Variants in GLI3 observed in about 807,000 individuals in gnomAD.
GLI3 encodes the protein transcription activator GLI3.
Under a neutral mutation model 100.8 loss-of-function variants are expected in GLI3, and 20 were observed. That is an observed-to-expected ratio of 0.20 (90% CI 0.14 to 0.29). The LOEUF (loss-of-function observed/expected upper bound fraction) is 0.29, where lower values mean the gene tolerates loss of function less well. Among genes scored for constraint, GLI3 ranks in the 10% least tolerant of loss-of-function variants. The pLI is 1.00. For missense variants in GLI3, 2,040 were observed against 2,128.5 expected (o/e 0.96, Z 0.82); for synonymous variants, 938 against 860.5 (o/e 1.09, Z -1.58).
In GLI3 at chr7:41,978,356, G is replaced by A. The variant is rs116201028; in HGVS notation, c.1647+243C>T. 9.7e-3 allele frequency among the ~76,000 whole-genome samples: 1,474 copies of A among 152,280 alleles called. 26 individuals are homozygous for A. Among genetic ancestry groups the A allele is most frequent in the African/African-American group, 0.034 (1,401 of 41,560 alleles). ...GTGGTACCATAAGCTGTTGGGCTGC[G>A]GCCAGCAGGGTGGCCCGCTATTCAT... is the stretch of plus-strand genomic sequence containing the variant. On this transcript the variant is annotated intron_variant, in intron 11 of 14. Coordinates refer to ENST00000395925, the MANE Select transcript of GLI3 (RefSeq NM_000168.6).
intron 2 of GLI3, among the ~76,000 whole-genome samples, chr7:42,191,587 C>A (rs10241136): frequency 0.19 from 29,293 of 151,482 alleles, 2,832 homozygotes; most frequent in Middle Eastern, 0.29. Context: ...GGGAGGCAGA[C>A]GTTGCGGTGC....
intron 11 of GLI3, among the ~76,000 whole-genome samples, chr7:41,978,177 C>T (rs553658708): frequency 1.4e-3 from 215 of 152,310 alleles, no homozygotes; most frequent in African/African-American, 4.7e-3. Context: ...CACAACCTTG[C>T]GGCACCCCCT....
intron 3 of GLI3, among the ~76,000 whole-genome samples, chr7:42,100,182 G>A (rs972947453): frequency 3.9e-5 from 6 of 152,180 alleles, no homozygotes; most frequent in Non-Finnish European, 7.3e-5. Context: ...GGAGCTGCCC[G>A]GTGCAGCCAA....
intron 3 of GLI3, among the ~76,000 whole-genome samples, chr7:42,099,546 T>C (rs1554326934): frequency 6.6e-6 from 1 of 152,200 alleles, no homozygotes; most frequent in Non-Finnish European, 1.5e-5. Flanking sequence ...TATGTTAGTT[T>C]AGTTAGTTAT....
intron 2 of GLI3, among the ~76,000 whole-genome samples, chr7:42,211,846 C>T (rs1788279540): frequency 6.6e-6 from 1 of 152,174 alleles, no homozygotes; most frequent in South Asian, 2.1e-4. Flanking sequence ...AATGAATTTG[C>T]TGTGAAAGGA....
chr7:42,062,532 C>T (rs188770634), intron 4 of GLI3, among the ~76,000 whole-genome samples: 1 of 152,204 alleles, frequency 6.6e-6, no homozygotes, highest in East Asian at 1.9e-4. Flanking sequence ...CGTAGCCTTG[C>T]AAAAGGTTCA....
chr7:42,020,323 C>A (rs917377328), intron 10 of GLI3, among the ~76,000 whole-genome samples: 2 of 152,184 alleles, frequency 1.3e-5, no homozygotes, highest in African/African-American at 4.8e-5. Context: ...TGCAGCTCAA[C>A]GACTGAACCA....
intron 10 of GLI3, among the ~76,000 whole-genome samples, chr7:41,986,223 T>A (rs1787818604): frequency 6.6e-6 from 1 of 152,226 alleles, no homozygotes; most frequent in Admixed American, 6.5e-5. Flanking sequence ...AATAAATAAA[T>A]GGACTTCTTC....
At chr7:42,177,683 G>A (rs559864783) in intron 2 of GLI3, among the ~76,000 whole-genome samples, 12 of 152,248 alleles carry the variant, frequency 7.9e-5, no homozygotes, top group Non-Finnish European at 1.0e-4. Flanking sequence ...GAAGACAAAC[G>A]GAAGAGTAAA....
chr7:42,061,122 T>C (rs570648612), intron 4 of GLI3, among the ~76,000 whole-genome samples: 40 of 152,336 alleles, frequency 2.6e-4, no homozygotes, highest in Non-Finnish European at 5.3e-4. Flanking sequence ...ACTAGGTGGA[T>C]ATAATTAATT....
At position 42,084,669 on chromosome 7, in the gene GLI3, C is replaced by A. The variant is rs138503298; in HGVS notation, c.368-7812G>T. Among the ~76,000 whole-genome samples the A allele has an allele frequency of 2.3e-3, 354 of 152,320 alleles. 1 individual carries two copies. Among genetic ancestry groups the A allele is most frequent in the African/African-American group, 8.2e-3 (341 of 41,570 alleles). On this transcript the variant is annotated intron_variant, in intron 3 of 14. Transcript: ENST00000395925. ...AAGGTTTACATCCATTCTAGCTGAA[C>A]TGCAGAACTCTCTCAGGGAAATCAC...
intron 3 of GLI3, among the ~76,000 whole-genome samples, chr7:42,142,404 T>C (rs989641158): frequency 3.9e-5 from 6 of 152,130 alleles, no homozygotes; most frequent in African/African-American, 1.4e-4. Context: ...TCTAGAAAAA[T>C]GCGGTCTCTC....
intron 3 of GLI3, among the ~76,000 whole-genome samples, chr7:42,084,046 A>G (rs1489032440): frequency 6.6e-6 from 1 of 152,252 alleles, no homozygotes; most frequent in Non-Finnish European, 1.5e-5. Context: ...ACTACCTGAC[A>G]GTCTTGACTC....
chr7:42,115,380 C>T (rs562861303), intron 3 of GLI3, among the ~76,000 whole-genome samples: 1 of 152,162 alleles, frequency 6.6e-6, no homozygotes, highest in South Asian at 2.1e-4. Context: ...CCTTAAGTGA[C>T]CTGCCCACCT....
At chr7:42,109,809 G>A (rs1785662658) in intron 3 of GLI3, among the ~76,000 whole-genome samples, 1 of 152,150 alleles carries the variant, frequency 6.6e-6, no homozygotes, top group Non-Finnish European at 1.5e-5. Context: ...TCTAAAATGG[G>A]CACAATCAGC....
At chr7:42,072,859 C>T (rs751662243) in intron 4 of GLI3, among the ~76,000 whole-genome samples, 5 of 152,018 alleles carry the variant, frequency 3.3e-5, no homozygotes, top group Non-Finnish European at 7.4e-5. Flanking sequence ...TTTTCTAAAA[C>T]ATTATACTTC....
intron 2 of GLI3, among the ~76,000 whole-genome samples, chr7:42,187,138 G>A (rs1022801118): frequency 3.3e-5 from 5 of 151,588 alleles, no homozygotes; most frequent in African/African-American, 1.2e-4. Flanking sequence ...TTGAGCCTGG[G>A]AGGTTGAGGC....
chr7:42,189,866 T>A (rs1787790106), intron 2 of GLI3, among the ~76,000 whole-genome samples: 1 of 152,114 alleles, frequency 6.6e-6, no homozygotes, highest in Admixed American at 6.5e-5. Context: ...ACTCTTGAAG[T>A]ATTTTCAAAA....
chr7:42,076,818 G>C lies in GLI3; in HGVS notation c.407C>G (p.Pro136Arg), dbSNP rs760340177. 9.3e-6 allele frequency: 15 copies of C among 1,613,288 alleles called. 1 individual carries two copies. In the Admixed American group the frequency reaches 2.2e-4, roughly 23 times the overall value. ...GCCCTCATGATGTCTGGCATCAATT[G>C]GTACAGGAGGATGGAAGGCAGGGAA... is the stretch of plus-strand genomic sequence containing the variant. Reference protein sequence around the residue: ...HLFPAFHPPVPIDARHHEGRY... With the variant: ...HLFPAFHPPVRIDARHHEGRY... Residue 136 changes from proline (P) to arginine (R), a missense_variant, in exon 4 of 15, where the codon CCA becomes CGA. Physicochemically the swap from Pro to Arg is moderately radical, Grantham distance 103 (BLOSUM62 -2). Coordinates refer to ENST00000395925, the MANE Select transcript of GLI3 (RefSeq NM_000168.6).
Sources: gnomAD v4.1 joint callset for allele counts (sites outside exome capture counted in the v4.1 genomes callset) on GRCh38, gnomAD v4.1.1 for gene constraint, MANE v1.5 for transcripts, NCBI Gene and HGNC (gene_info 2026-07-23, HGNC 2026-07-21) for gene names.